Variants in BMPR1A observed in about 807,000 individuals in gnomAD.
BMPR1A encodes bone morphogenetic protein receptor type 1A.
BMPR1A carries 7 observed loss-of-function variants against 66.0 expected under a neutral mutation model. The observed-to-expected ratio is 0.11, with a 90% CI of 0.06 to 0.20. The LOEUF is 0.20. Among genes scored for constraint, BMPR1A ranks in the 10% least tolerant of loss-of-function variants. The pLI is 1.00. For missense variants in BMPR1A, 408 were observed against 669.1 expected (o/e 0.61, Z 4.31); for synonymous variants, 200 against 229.7 (o/e 0.87, Z 1.17).
intron 1 of BMPR1A, among the ~76,000 whole-genome samples, chr10:86,828,535 A>G (rs1181628603): frequency 2.6e-5 from 4 of 152,234 alleles, no homozygotes; most frequent in Non-Finnish European, 5.9e-5. Context: ...ACTGTATTGT[A>G]GCATAACTCT....
At chr10:86,833,416 T>C (rs1473778447) in intron 1 of BMPR1A, among the ~76,000 whole-genome samples, 1 of 152,078 alleles carries the variant, frequency 6.6e-6, no homozygotes, top group Non-Finnish European at 1.5e-5. Context: ...CGTCAGACAA[T>C]ATGTGTAGAG....
intron 2 of BMPR1A, among the ~76,000 whole-genome samples, chr10:86,859,729 G>C (rs1842688456): frequency 6.6e-6 from 1 of 151,986 alleles, no homozygotes; most frequent in Non-Finnish European, 1.5e-5. Flanking sequence ...AGAATCTCTT[G>C]AACCTGGGAG....
At position 86,890,180 on chromosome 10, in the gene BMPR1A, T is replaced by C. The variant is rs2133396011; in HGVS notation, c.186T>C (p.Tyr62=). ...PEDTLPFLKC[Y]CSGHCPDDAI... ...ATACCTTGCCTTTTTTAAAGTGCTA[T>C]TGCTCAGGGCACTGTCCAGATGATG... The change falls in exon 4 of 13, where the codon TAT becomes TAC. Residue 62 remains tyrosine (Y), a synonymous_variant. Coordinates refer to ENST00000372037, the MANE Select transcript of BMPR1A (RefSeq NM_004329.3). 1.2e-6 allele frequency: 2 copies of C among 1,614,186 alleles called. No individual in the cohort carries two copies. Among genetic ancestry groups the C allele is most frequent in the Non-Finnish European group, 1.7e-6 (2 of 1,180,016 alleles).
At chr10:86,931,249 A>C (rs1206734985), downstream of BMPR1A, 1 of 101,474 alleles carries the variant, frequency 9.9e-6, no homozygotes, top group Non-Finnish European at 1.7e-5. Flanking sequence ...TCTCAAAAAA[A>C]AAAAAAGAAA....
chr10:86,895,703 T>A (rs75432851), intron 5 of BMPR1A, among the ~76,000 whole-genome samples: 1,944 of 152,290 alleles, frequency 0.013, 48 homozygotes, highest in African/African-American at 0.044. Flanking sequence ...ATTCGTGAAC[T>A]GATTTGTTTC....
At chr10:86,860,081 G>A (rs1442842637) in intron 2 of BMPR1A, among the ~76,000 whole-genome samples, 1 of 152,046 alleles carries the variant, frequency 6.6e-6, no homozygotes, top group Non-Finnish European at 1.5e-5. Flanking sequence ...GGCCGAAGCA[G>A]TGCAATCTGA....
intron 3 of BMPR1A, among the ~76,000 whole-genome samples, chr10:86,878,686 C>T (rs1007969232): frequency 2.0e-5 from 3 of 152,202 alleles, no homozygotes; most frequent in African/African-American, 7.2e-5. Flanking sequence ...AGGGTCAGCA[C>T]TGGCCTCAAC....
intron 3 of BMPR1A, among the ~76,000 whole-genome samples, chr10:86,884,531 A>T (rs1252178788): frequency 6.9e-6 from 1 of 144,362 alleles, no homozygotes; most frequent in Admixed American, 7.6e-5. Context: ...CCTTTGTCTC[A>T]GCCTCCTGAG....
intron 1 of BMPR1A, among the ~76,000 whole-genome samples, chr10:86,814,811 A>G (rs1258734850): frequency 6.6e-6 from 1 of 151,518 alleles, no homozygotes; most frequent in African/African-American, 2.4e-5. Context: ...TTTGAGACGG[A>G]GTCTTACTCT....
At chr10:86,856,911 A>G (rs953612593) in intron 2 of BMPR1A, among the ~76,000 whole-genome samples, 16 of 152,206 alleles carry the variant, frequency 1.1e-4, no homozygotes, top group African/African-American at 3.6e-4. Context: ...CTTAAGTTAC[A>G]CTTTAATTAT....
intron 11 of BMPR1A, among the ~76,000 whole-genome samples, chr10:86,922,960 C>G (rs1275300543): frequency 2.6e-5 from 4 of 152,266 alleles, no homozygotes; most frequent in African/African-American, 7.2e-5. Context: ...AAGGGAAGGT[C>G]TCAGGCCTGC....
At chr10:86,897,327 G>A (rs1245175681) in intron 5 of BMPR1A, among the ~76,000 whole-genome samples, 3 of 152,180 alleles carry the variant, frequency 2.0e-5, no homozygotes, top group African/African-American at 7.2e-5. Context: ...AGGAAAGGCT[G>A]TGTCACCCAA....
At chr10:86,875,323 A>G (rs1273993286) in intron 2 of BMPR1A, among the ~76,000 whole-genome samples, 1 of 148,334 alleles carries the variant, frequency 6.7e-6, no homozygotes, top group African/African-American at 2.5e-5. Context: ...CAGTGAGTCG[A>G]GATGGTGCCA....
intron 7 of BMPR1A, among the ~76,000 whole-genome samples, chr10:86,907,915 A>G (rs1843420285): frequency 6.6e-6 from 1 of 152,242 alleles, no homozygotes; most frequent in Admixed American, 6.5e-5. Context: ...ATTTGATAGT[A>G]CAGTAGGGAA....
chr10:86,824,081 T>TTGTGTGTGTGTG (rs71477609), intron 1 of BMPR1A, among the ~76,000 whole-genome samples: 4,219 of 94,082 alleles, frequency 0.045, 198 homozygotes, highest in African/African-American at 0.11. Flanking sequence ...TTACCAAGGG[T>TTGTGTGTGTGTG]TGTGTGTGTG....
intron 5 of BMPR1A, among the ~76,000 whole-genome samples, chr10:86,898,253 A>G (rs531921910): frequency 4.5e-4 from 69 of 151,746 alleles, no homozygotes; most frequent in Non-Finnish European, 8.7e-4. Context: ...TAACACATAT[A>G]TATATAACAT....
At chr10:86,910,810 A>G (rs1377922220) in intron 7 of BMPR1A, among the ~76,000 whole-genome samples, 1 of 152,188 alleles carries the variant, frequency 6.6e-6, no homozygotes, top group African/African-American at 2.4e-5. Flanking sequence ...GAGAGAATCA[A>G]TATGTTAAAA....
At position 86,787,675 on chromosome 10, in the gene BMPR1A, A is replaced by G. The variant is rs187891319; in HGVS notation, c.-268+30756A>G. On this transcript the variant is annotated intron_variant, in intron 1 of 12. Transcript: ENST00000372037. The stretch of plus-strand genomic sequence containing the variant: ...ACCAAAGACTGGGTAGTTTATAAAG[A>G]AAAGAGAATTAATGGACTCACAGTA... Among the ~76,000 whole-genome samples, 293 of 152,302 alleles carry G rather than the reference A, an allele frequency of 1.9e-3. 1 individual carries two copies. The highest frequency in any genetic ancestry group is 3.3e-3 in the Non-Finnish European group (227 of 68,022).
chr10:86,815,729 G>A (rs1423144132), intron 1 of BMPR1A, among the ~76,000 whole-genome samples: 4 of 152,160 alleles, frequency 2.6e-5, no homozygotes, highest in African/African-American at 9.7e-5. Context: ...CCACCCACGC[G>A]GCCAAGTGCC....
Sources: gnomAD v4.1 joint callset for allele counts (sites outside exome capture counted in the v4.1 genomes callset) on GRCh38, gnomAD v4.1.1 for gene constraint, MANE v1.5 for transcripts, NCBI Gene and HGNC (gene_info 2026-07-23, HGNC 2026-07-21) for gene names.